Variants in DOCK2 observed in about 807,000 individuals in gnomAD.
The protein encoded by DOCK2 is dedicator of cytokinesis protein 2.
DOCK2 carries 87 observed loss-of-function variants against 248.9 expected under a neutral mutation model. The ratio of observed to expected loss-of-function variants is 0.35; its 90% CI spans 0.29 to 0.42. The LOEUF (loss-of-function observed/expected upper bound fraction) is 0.42. DOCK2 is among the 10% of genes least tolerant of loss of function. The pLI, the probability that DOCK2 is intolerant of heterozygous loss-of-function variation, is 1.00. For synonymous variants in DOCK2, 805 were observed against 821.6 expected (o/e 0.98, Z 0.35); for missense variants, 1,747 against 2,300.2 (o/e 0.76, Z 4.92).
In DOCK2 at chr5:170,045,890, G is replaced by T. The variant is rs145117786; in HGVS notation, c.3951G>T (p.Leu1317=). 6.2e-7 allele frequency: 1 copy of T among 1,614,044 alleles called. No homozygotes were observed. Among genetic ancestry groups the T allele is most frequent in the African/African-American group, 1.3e-5 (1 of 74,930 alleles). ...QYEMEIFDYE[L]LSQNLIQQAK... is the part of the protein sequence containing the mutation. ...AGATGGAGATCTTTGACTATGAGCT[G>T]CTCAGCCAGAACCTGGTAAGGCATC... is the stretch of plus-strand genomic sequence containing the variant. The change falls in exon 39 of 52, where the codon CTG becomes CTT. Residue 1317 remains leucine (L), a synonymous_variant. Transcript: ENST00000520908.
chr5:170,082,889 C>T lies in DOCK2; in HGVS notation c.*31C>T. ...TGCTGACTAGGGCTGCATGGGAGAGCCAGGGAGGGGAGTTTCTGGAAGAGG... is the reference window on the plus strand; with the variant it reads ...TGCTGACTAGGGCTGCATGGGAGAGTCAGGGAGGGGAGTTTCTGGAAGAGG... On this transcript the variant is annotated 3_prime_UTR_variant, in exon 52 of 52. Coordinates refer to ENST00000520908, the MANE Select transcript of DOCK2 (RefSeq NM_004946.3). 2.5e-6 allele frequency: 4 copies of T among 1,613,912 alleles called. No homozygotes were observed. The South Asian group carries it at 4.4e-5, about 18-fold the overall frequency.
chr5:169,928,575 A>G (rs577780919), intron 27 of DOCK2, among the ~76,000 whole-genome samples: 2 of 152,340 alleles, frequency 1.3e-5, no homozygotes, highest in East Asian at 3.9e-4. Flanking sequence ...TCGTCCATCC[A>G]AAAGAGAGGC....
At chr5:169,694,315 C>T (rs981137373) in intron 9 of DOCK2, among the ~76,000 whole-genome samples, 8 of 152,258 alleles carry the variant, frequency 5.3e-5, no homozygotes, top group Non-Finnish European at 2.9e-5. Context: ...CTGATGCCAA[C>T]AGCATGTCTT....
chr5:169,972,575 AGATAGATAGAT>A (rs1181941615), intron 27 of DOCK2, among the ~76,000 whole-genome samples: 3,243 of 57,048 alleles, frequency 0.057, 43 homozygotes, highest in Non-Finnish European at 0.07. Context: ...ATAGATAGAT[AGATAGATAGAT>A]GATAGATAGA....
At position 170,079,100 on chromosome 5, in the gene DOCK2, T is replaced by C; in HGVS notation, c.5120T>C (p.Val1707Ala). 1.2e-6 allele frequency: 2 copies of C among 1,614,010 alleles called. No individual in the cohort carries two copies. The highest frequency in any genetic ancestry group is 1.7e-6 in the Non-Finnish European group (2 of 1,180,008). ...RSKKRTKRSS[V>A]VFADEKAAAE... Reference sequence around the variant, plus strand: ...AAGAAGAGGACAAAGAGAAGCAGCGTAGTTTTTGCGGATGAGAAAGCAGCT... The same window carrying C: ...AAGAAGAGGACAAAGAGAAGCAGCGCAGTTTTTGCGGATGAGAAAGCAGCT... The change falls in exon 49 of 52, where the codon GTA (valine) becomes GCA (alanine). Residue 1707 changes from valine to alanine, a missense_variant. Physicochemically the swap from Val to Ala is moderately conservative, Grantham distance 64 (BLOSUM62 0). This residue lies in a region of DOCK2 where 513 missense variants were observed against 586.1 expected (regional missense o/e 0.88). Coordinates refer to ENST00000520908, the MANE Select transcript of DOCK2 (RefSeq NM_004946.3).
chr5:169,738,788 A>G (rs1763169081), intron 22 of DOCK2, among the ~76,000 whole-genome samples: 1 of 152,226 alleles, frequency 6.6e-6, no homozygotes, highest in Non-Finnish European at 1.5e-5. Context: ...AGATGAGGAC[A>G]CAAGGGCCCA....
At chr5:169,720,969 A>G (rs997282634) in intron 22 of DOCK2, among the ~76,000 whole-genome samples, 1 of 152,000 alleles carries the variant, frequency 6.6e-6, no homozygotes, top group Admixed American at 6.5e-5. Flanking sequence ...TGATCTGCCC[A>G]CCTCGGCCTC....
intron 27 of DOCK2, among the ~76,000 whole-genome samples, chr5:169,924,118 G>A (rs1775314823): frequency 6.6e-6 from 1 of 152,160 alleles, no homozygotes; most frequent in Non-Finnish European, 1.5e-5. Flanking sequence ...TCCAGAGGCA[G>A]AGGCACCTGC....
intron 27 of DOCK2, among the ~76,000 whole-genome samples, chr5:169,938,477 A>G (rs888634611): frequency 1.3e-5 from 2 of 152,240 alleles, no homozygotes; most frequent in African/African-American, 4.8e-5. Context: ...CGAATACTGT[A>G]GGCAATTAGA....
At chr5:169,761,756 C>T (rs1764501018) in intron 25 of DOCK2, 131 bp downstream of exon 25, 2 of 630,030 alleles carry the variant, frequency 3.2e-6, no homozygotes, top group African/African-American at 3.7e-5. Context: ...CTCCCTTGGT[C>T]TGCATAAATG....
At chr5:170,001,411 G>A (rs1324299763) in intron 30 of DOCK2, among the ~76,000 whole-genome samples, 1 of 152,116 alleles carries the variant, frequency 6.6e-6, no homozygotes, top group Non-Finnish European at 1.5e-5. Flanking sequence ...AAGCTGAAAG[G>A]ACACTGAGAA....
intron 25 of DOCK2, among the ~76,000 whole-genome samples, chr5:169,778,468 C>G (rs1765507262): frequency 6.6e-6 from 1 of 152,194 alleles, no homozygotes. Flanking sequence ...ACTCTTCTCT[C>G]TTTTACTCAG....
chr5:169,832,060 G>A (rs1769261313), intron 26 of DOCK2, among the ~76,000 whole-genome samples: 1 of 152,202 alleles, frequency 6.6e-6, no homozygotes, highest in Non-Finnish European at 1.5e-5. Flanking sequence ...AGGCAGAAAT[G>A]AGCTTAGGTT....
At chr5:169,830,341 G>A (rs921445165) in intron 26 of DOCK2, among the ~76,000 whole-genome samples, 3 of 152,174 alleles carry the variant, frequency 2.0e-5, no homozygotes, top group Non-Finnish European at 4.4e-5. Flanking sequence ...TCATTAGAAT[G>A]AATCTTATTT....
intron 15 of DOCK2, among the ~76,000 whole-genome samples, chr5:169,709,498 C>T (rs1377441467): frequency 1.3e-5 from 2 of 152,096 alleles, no homozygotes; most frequent in Non-Finnish European, 2.9e-5. Flanking sequence ...GTCACGAGCT[C>T]GAGACCAGCC....
At chr5:169,787,706 CTT>C (rs71575577) in intron 25 of DOCK2, among the ~76,000 whole-genome samples, 22,100 of 136,326 alleles carry the variant, frequency 0.16, 2,693 homozygotes, top group African/African-American at 0.37. Flanking sequence ...TCCACTTTTG[CTT>C]TTTTTTTTTT....
intron 1 of DOCK2, among the ~76,000 whole-genome samples, chr5:169,653,433 C>T (rs919851609): frequency 9.9e-5 from 15 of 152,144 alleles, no homozygotes; most frequent in African/African-American, 2.7e-4. Flanking sequence ...CCAGCTAGAG[C>T]GGGTTTGGAG....
chr5:170,076,093 G>C lies in DOCK2; in HGVS notation c.4866+9G>C. ...ACGGTGTCCGAGAGATGGTATGGGT[G>C]GTTCCTATGGCTTGGAGGGGTGGGA... On this transcript the variant is annotated intron_variant, in intron 47 of 51. Transcript: ENST00000520908. 6.2e-7 allele frequency: 1 copy of C among 1,613,784 alleles called. No homozygotes were observed. The highest frequency in any genetic ancestry group is 8.5e-7 in the Non-Finnish European group (1 of 1,179,810).
intron 29 of DOCK2, 108 bp downstream of exon 29, chr5:169,986,030 A>T: frequency 9.6e-7 from 1 of 1,042,088 alleles, no homozygotes; most frequent in Non-Finnish European, 1.4e-6. Context: ...AAAGAAATTA[A>T]AGTGTTAAGG....
Sources: gnomAD v4.1 joint callset for allele counts (sites outside exome capture counted in the v4.1 genomes callset) on GRCh38, gnomAD v4.1.1 for gene constraint, gnomAD v4.1.1 regional missense constraint, MANE v1.5 for transcripts, NCBI Gene and HGNC (gene_info 2026-07-23, HGNC 2026-07-21) for gene names.